The following GAN variants were observed in gnomAD, a reference collection of about 807,000 sequenced individuals.
The protein encoded by GAN is epididymis secretory sperm binding protein.
In GAN, 48 loss-of-function variants were observed where a neutral mutation model predicts 71.3. That is an observed-to-expected ratio of 0.67 (90% CI 0.53 to 0.86). The LOEUF is 0.86. Among genes scored for constraint, GAN ranks in the 40% least tolerant of loss-of-function variants. The pLI is 0.00. For missense variants in GAN, 928 were observed against 770.1 expected (o/e 1.21, Z -2.43); for synonymous variants, 386 against 276.8 (o/e 1.39, Z -3.92).
At chr16:81,344,595 A>G (rs1264870262) in intron 1 of GAN, among the ~76,000 whole-genome samples, 1 of 152,162 alleles carries the variant, frequency 6.6e-6, no homozygotes, top group Non-Finnish European at 1.5e-5. Flanking sequence ...CTTACATCTT[A>G]TACAAAAATC....
intron 3 of GAN, among the ~76,000 whole-genome samples, chr16:81,355,694 A>G (rs551819909): frequency 5.3e-5 from 8 of 152,358 alleles, no homozygotes; most frequent in African/African-American, 1.9e-4. Context: ...ATTATTATAA[A>G]TAAGACACTA....
At chr16:81,334,909 A>G (rs1270157265) in intron 1 of GAN, among the ~76,000 whole-genome samples, 1 of 152,228 alleles carries the variant, frequency 6.6e-6, no homozygotes, top group Non-Finnish European at 1.5e-5. Context: ...GTGCCTGGTC[A>G]GTACCATTTT....
chr16:81,353,472 GT>G (rs1459717441), intron 2 of GAN, among the ~76,000 whole-genome samples: 2 of 152,208 alleles, frequency 1.3e-5, no homozygotes, highest in Middle Eastern at 3.4e-3. Flanking sequence ...TCCCCTACTT[GT>G]GGCTTACTCA....
chr16:81,365,278 A>G, intron 8 of GAN, 72 bp from the exon 9 acceptor site: 3 of 1,603,308 alleles, frequency 1.9e-6, no homozygotes, highest in South Asian at 1.1e-5. Flanking sequence ...TTAAACCAGC[A>G]TAAGAGGAAC....
chr16:81,375,856 A>G (rs1011542084), intron 9 of GAN, among the ~76,000 whole-genome samples: 2 of 151,758 alleles, frequency 1.3e-5, no homozygotes. Flanking sequence ...TGTGGTCCCA[A>G]CTATTTGGGA....
chr16:81,349,493 A>G (rs1211800710), intron 1 of GAN, among the ~76,000 whole-genome samples: 1 of 151,794 alleles, frequency 6.6e-6, no homozygotes, highest in Non-Finnish European at 1.5e-5. Context: ...AAAGTACAAA[A>G]ATTAGCTGGG....
intron 8 of GAN, 38 bp downstream of exon 8, chr16:81,365,148 C>T: frequency 6.2e-7 from 1 of 1,606,674 alleles, no homozygotes; most frequent in Non-Finnish European, 8.5e-7. Context: ...GATTCCCTTG[C>T]TGTTCACTGG....
chr16:81,368,453 A>C (rs1171052093), intron 9 of GAN, among the ~76,000 whole-genome samples: 1 of 152,222 alleles, frequency 6.6e-6, no homozygotes, highest in Non-Finnish European at 1.5e-5. Context: ...GAAAAAATTC[A>C]AAAATGAGCT....
intron 9 of GAN, among the ~76,000 whole-genome samples, chr16:81,372,562 T>A (rs1192232263): frequency 2.0e-5 from 3 of 152,244 alleles, no homozygotes; most frequent in Non-Finnish European, 4.4e-5. Flanking sequence ...TGAAGCCTTG[T>A]CTTTACCTAA....
At chr16:81,359,891 T>C (rs1160360923) in intron 5 of GAN, among the ~76,000 whole-genome samples, 2 of 152,222 alleles carry the variant, frequency 1.3e-5, no homozygotes, top group African/African-American at 2.4e-5. Flanking sequence ...TCTCAAAATA[T>C]CTTACTTTAC....
At chr16:81,357,487 T>G (rs1282214786) in intron 4 of GAN, among the ~76,000 whole-genome samples, 2 of 152,236 alleles carry the variant, frequency 1.3e-5, no homozygotes, top group Non-Finnish European at 2.9e-5. Flanking sequence ...GTGCTACATT[T>G]TCTTAATCCA....
intron 3 of GAN, among the ~76,000 whole-genome samples, chr16:81,356,044 C>T (rs897393248): frequency 2.0e-5 from 3 of 152,146 alleles, no homozygotes; most frequent in Admixed American, 6.5e-5. Context: ...TGCCAGCTTC[C>T]GTCCTGCCCT....
intron 2 of GAN, among the ~76,000 whole-genome samples, chr16:81,352,567 C>G (rs1910335021): frequency 6.6e-6 from 1 of 152,152 alleles, no homozygotes; most frequent in African/African-American, 2.4e-5. Context: ...CTTTATCCCT[C>G]TTGTTTTCCT....
chr16:81,329,985 C>T (rs932497850), intron 1 of GAN, among the ~76,000 whole-genome samples: 2 of 152,194 alleles, frequency 1.3e-5, no homozygotes, highest in Non-Finnish European at 2.9e-5. Context: ...TACCAGACTC[C>T]CCAGGAGAAA....
At position 81,366,087 on chromosome 16, in the gene GAN, C is replaced by T. The variant is rs148657829; in HGVS notation, c.1502+609C>T. 7.1e-3 allele frequency among the ~76,000 whole-genome samples: 1,075 copies of T among 152,282 alleles called. 13 individuals are homozygous for T. The highest frequency in any genetic ancestry group is 0.024 in the African/African-American group (1,013 of 41,546). ...TCCATCCAGTTAGCTTGGCCTTTTT[C>T]AAAACTGCTTAGTTATCAAAACCTA... On this transcript the variant is annotated intron_variant, in intron 9 of 10. Transcript: ENST00000648994.
intron 1 of GAN, among the ~76,000 whole-genome samples, chr16:81,350,551 T>A (rs1910266406): frequency 6.6e-6 from 1 of 151,144 alleles, no homozygotes; most frequent in African/African-American, 2.4e-5. Context: ...AGTCTCGCTC[T>A]GTCACCTAGG....
Position 81,381,666 on chromosome 16 carries a change from A to G in GAN, c.*4070A>G, listed in dbSNP as rs766195808. The G allele has an allele frequency of 7.9e-5, 12 of 152,258 alleles. No individual in the cohort carries two copies. Among genetic ancestry groups the G allele is most frequent in the Non-Finnish European group, 1.5e-4 (10 of 68,072 alleles). 9.4% of individuals were successfully genotyped at this position (152,258 alleles called of 1,614,324 possible). A position where few individuals can be genotyped will look rare whatever the true frequency, so the allele number is the denominator to read the frequency against. ...TCCTACTCAAGGTCATAAACCCACT[A>G]TGGAACGGGCAAGGGCCCCGTCTTT... On this transcript the variant is annotated 3_prime_UTR_variant, in exon 11 of 11. Transcript: ENST00000648994.
intron 3 of GAN, 98 bp downstream of exon 3, chr16:81,354,853 C>A (rs537441172): frequency 8.2e-6 from 6 of 733,466 alleles, no homozygotes; most frequent in African/African-American, 5.3e-5. Context: ...GAAAGACTTA[C>A]GATGCAGCAA....
chr16:81,332,656 C>T (rs773555013), intron 1 of GAN, among the ~76,000 whole-genome samples: 1 of 152,358 alleles, frequency 6.6e-6, no homozygotes, highest in East Asian at 1.9e-4. Context: ...ACAGTGCTTG[C>T]AACTGCCATG....
Sources: allele counts gnomAD v4.1 joint callset (sites outside exome capture counted in the v4.1 genomes callset), GRCh38; gene constraint gnomAD v4.1.1; transcripts MANE v1.5; gene names NCBI Gene and HGNC (gene_info 2026-07-23, HGNC 2026-07-21).